Variants in DDX21 observed in about 807,000 individuals in gnomAD.
The protein encoded by DDX21 is nucleolar RNA helicase 2.
Under a neutral mutation model 90.0 loss-of-function variants are expected in DDX21, and 18 were observed. The ratio of observed to expected loss-of-function variants is 0.20; its 90% CI spans 0.14 to 0.30. The LOEUF (loss-of-function observed/expected upper bound fraction) is 0.30. Ranked by LOEUF, DDX21 falls within the 10% of genes least tolerant of loss-of-function variation. The probability of loss-of-function intolerance (pLI) is 1.00; values close to 1 mark genes in which losing one functional copy is unlikely to be tolerated. For synonymous variants in DDX21, 294 were observed against 318.0 expected, an observed-to-expected ratio of 0.92 and a Z score of 0.80; for missense variants, 673 against 944.5, an observed-to-expected ratio of 0.71 and a Z score of 3.77.
Position 68,981,731 on chromosome 10 carries a change from CTTT to C in DDX21, c.2082+153_2082+155del, listed in dbSNP as rs969814455. On this transcript the variant is annotated intron_variant, in intron 14 of 14. Coordinates refer to ENST00000354185, the MANE Select transcript of DDX21 (RefSeq NM_004728.4). ...TAAATTTTGGAATATTCCCCCCTAA[CTTT>C]TTAATTCTGATATTTTTGTAGTTGA... The C allele has an allele frequency of 6.7e-5, 48 of 719,534 alleles. No homozygotes were observed. The African/African-American group carries it at 7.9e-4, about 12-fold the overall frequency. The allele number at this position is 719,534 out of a possible 1,614,324, so 44.6% of individuals were successfully genotyped here.
Position 68,969,115 on chromosome 10 carries a change from T to C in DDX21, c.1230T>C (p.Thr410=), listed in dbSNP as rs1239706033. ...IGKKTQKTAI[T]VEHLAIKCHW... is the part of the protein sequence containing the mutation. ...AAAAGACTCAGAAAACGGCAATAAC[T>C]GTGGAGGTAAATTATTTACTTAGTT... The change falls in exon 7 of 15, where the codon ACT becomes ACC. Residue 410 remains threonine, a synonymous_variant. Coordinates refer to ENST00000354185, the MANE Select transcript of DDX21 (RefSeq NM_004728.4). 1.2e-6 allele frequency: 2 copies of C among 1,607,352 alleles called. No homozygotes were observed. The highest frequency in any genetic ancestry group is 2.2e-5 in the South Asian group (2 of 88,918).
At chr10:68,982,116 C>T (rs745630828) in intron 14 of DDX21, among the ~76,000 whole-genome samples, 2 of 152,172 alleles carry the variant, frequency 1.3e-5, no homozygotes, top group Non-Finnish European at 2.9e-5. Context: ...GCGGGTGATC[C>T]ACCCACCTCC....
chr10:68,967,753 T>C (rs1445918364), intron 6 of DDX21, among the ~76,000 whole-genome samples: 3 of 152,210 alleles, frequency 2.0e-5, no homozygotes, highest in African/African-American at 4.8e-5. Flanking sequence ...ACTATACATA[T>C]AAAAATTCAG....
intron 1 of DDX21, among the ~76,000 whole-genome samples, chr10:68,957,665 A>G (rs1274302731): frequency 6.6e-6 from 1 of 152,236 alleles, no homozygotes; most frequent in Non-Finnish European, 1.5e-5. Flanking sequence ...GTTATATTCC[A>G]AAAGAGACCA....
At chr10:68,977,499 C>A (rs748627488) in intron 11 of DDX21, 30 bp from the exon 12 acceptor site, 1 of 1,557,706 alleles carries the variant, frequency 6.4e-7, no homozygotes, top group South Asian at 1.2e-5. Context: ...CTTCTAGTAT[C>A]CTTTCTCCTA....
At chr10:68,981,729 A>C in intron 14 of DDX21, 148 bp downstream of exon 14, 2 of 734,076 alleles carry the variant, frequency 2.7e-6, no homozygotes, top group Non-Finnish European at 4.4e-6. Flanking sequence ...ATTCCCCCCT[A>C]ACTTTTTAAT....
intron 6 of DDX21, among the ~76,000 whole-genome samples, chr10:68,967,481 A>G (rs769621820): frequency 9.9e-5 from 15 of 151,984 alleles, no homozygotes; most frequent in Non-Finnish European, 1.5e-4. Flanking sequence ...GTGACTAAGT[A>G]GTTTTCTAAG....
chr10:68,961,901 A>G (rs776646640), intron 2 of DDX21, among the ~76,000 whole-genome samples, 181 bp from the exon 3 acceptor site: 2 of 152,178 alleles, frequency 1.3e-5, no homozygotes, highest in Admixed American at 6.5e-5. Context: ...ATTTATGACA[A>G]TGTTTCCTTT....
Position 68,962,493 on chromosome 10 carries a change from A to G in DDX21, c.607+336A>G, listed in dbSNP as rs543074523. Among the ~76,000 whole-genome samples, 75 of 152,204 alleles carry G rather than the reference A, an allele frequency of 4.9e-4. 1 individual carries two copies. Among genetic ancestry groups the G allele is most frequent in the Middle Eastern group, 3.2e-3 (1 of 316 alleles). Reference sequence around the variant, plus strand: ...GCTGGGCACGTGGTAACACACATCTATAGTCCTAACTACTCCAGAGGCTGA... The same window carrying G: ...GCTGGGCACGTGGTAACACACATCTGTAGTCCTAACTACTCCAGAGGCTGA... On this transcript the variant is annotated intron_variant, in intron 3 of 14. Coordinates refer to ENST00000354185, the MANE Select transcript of DDX21 (RefSeq NM_004728.4).
chr10:68,971,421 A>G (rs189581742), intron 8 of DDX21, among the ~76,000 whole-genome samples: 4 of 151,692 alleles, frequency 2.6e-5, no homozygotes, highest in African/African-American at 9.7e-5. Flanking sequence ...TTTTTTTTCT[A>G]TTTTTAGTAG....
chr10:68,969,428 C>T (rs1321352734), intron 7 of DDX21, among the ~76,000 whole-genome samples: 9 of 152,218 alleles, frequency 5.9e-5, no homozygotes, highest in Admixed American at 2.6e-4. Flanking sequence ...TACAGGCATG[C>T]GCTACCACGC....
intron 1 of DDX21, among the ~76,000 whole-genome samples, chr10:68,959,056 G>T (rs931174814): frequency 2.0e-5 from 3 of 152,094 alleles, no homozygotes; most frequent in African/African-American, 7.2e-5. Context: ...TGGGATTTTA[G>T]CAGGAAGAAA....
chr10:68,970,488 T>A, intron 8 of DDX21, 138 bp downstream of exon 8: 2 of 618,650 alleles, frequency 3.2e-6, no homozygotes, highest in Non-Finnish European at 4.7e-6. Flanking sequence ...GAAGCTACTT[T>A]TTTTTTTTTT....
At position 68,984,168 on chromosome 10, in the gene DDX21, G is replaced by A. The variant is rs760076491; in HGVS notation, c.*1356G>A. 2 of 152,206 alleles carry A rather than the reference G, an allele frequency of 1.3e-5. No homozygotes were observed. Among genetic ancestry groups the A allele is most frequent in the African/African-American group, 4.8e-5 (2 of 41,450 alleles). The allele number at this position is 152,206 out of a possible 1,614,324, so 9.4% of individuals were successfully genotyped here. A position where few individuals can be genotyped will look rare whatever the true frequency, so the allele number is the denominator to read the frequency against. ...TTTCCAGAGATTATTTCTGTACTGA[G>A]AATCCTGGAACTACTATGCTAGGAA... On this transcript the variant is annotated 3_prime_UTR_variant, in exon 15 of 15. Coordinates refer to ENST00000354185, the MANE Select transcript of DDX21 (RefSeq NM_004728.4).
Position 68,977,551 on chromosome 10 carries a change from A to G in DDX21, c.1765A>G (p.Thr589Ala). Residue 589 changes from threonine to alanine, a missense_variant, in exon 12 of 15, where the codon ACT (threonine) becomes GCT (alanine). Physicochemically the swap from Thr to Ala is moderately conservative, Grantham distance 58. Coordinates refer to ENST00000354185, the MANE Select transcript of DDX21 (RefSeq NM_004728.4). ...CAGGCTTTTGGATTCCGTGCCTCCC[A>G]CTGCCATTAGTCACTTCAAACAATC... ...AIRLLDSVPP[T>A]AISHFKQSAE... The G allele has an allele frequency of 6.2e-7, 1 of 1,610,564 alleles. No homozygotes were observed.
At chr10:68,974,581 G>T in intron 10 of DDX21, 89 bp from the exon 11 acceptor site, 2 of 963,516 alleles carry the variant, frequency 2.1e-6, no homozygotes, top group Non-Finnish European at 3.3e-6. Context: ...ACATACATTT[G>T]GCCTATATTA....
At chr10:68,981,466 A>G in intron 13 of DDX21, 71 bp from the exon 14 acceptor site, 8 of 1,317,952 alleles carry the variant, frequency 6.1e-6, no homozygotes, top group Non-Finnish European at 8.6e-6. Context: ...TTTAAAGAAT[A>G]CGTGGTCTTT....
At chr10:68,960,329 C>G in intron 2 of DDX21, 80 bp downstream of exon 2, 1 of 1,373,600 alleles carries the variant, frequency 7.3e-7, no homozygotes, top group South Asian at 1.6e-5. Context: ...TATATGTACT[C>G]TTTAATAGTA....
At chr10:68,958,593 T>C (rs549826026) in intron 1 of DDX21, among the ~76,000 whole-genome samples, 4 of 152,224 alleles carry the variant, frequency 2.6e-5, no homozygotes, top group African/African-American at 9.6e-5. Flanking sequence ...CGTGCCACCA[T>C]GCCTGGCTAA....
Sources: gnomAD v4.1 joint callset for allele counts (sites outside exome capture counted in the v4.1 genomes callset) on GRCh38, gnomAD v4.1.1 for gene constraint, MANE v1.5 for transcripts, NCBI Gene and HGNC (gene_info 2026-07-23, HGNC 2026-07-21) for gene names.